TMEM25: variants seen among roughly 807,000 people sequenced by gnomAD.
TMEM25 encodes 0610039J01Rik.
In TMEM25, 36 loss-of-function variants were observed where a neutral mutation model predicts 37.0. The observed-to-expected ratio is 0.97, with a 90% CI of 0.75 to 1.28. The LOEUF (loss-of-function observed/expected upper bound fraction) is 1.28. Among genes scored for constraint, TMEM25 ranks in the 50% most tolerant of loss-of-function variants. The pLI is 0.00. For synonymous variants in TMEM25, 197 were observed against 203.7 expected (o/e 0.97, Z 0.28); for missense variants, 444 against 477.9 (o/e 0.93, Z 0.66).
rs782697443 is a variant in TMEM25, at chr11:118,532,250, G to A, written c.171G>A (p.Gly57=). 4 of 1,613,788 alleles carry A rather than the reference G, an allele frequency of 2.5e-6. No homozygotes were observed. The highest frequency in any genetic ancestry group is 1.7e-6 in the Non-Finnish European group (2 of 1,179,796). Reference sequence around the variant, plus strand: ...CCTTCACCTGCCGGGTGGCAGGGGGGCCTGGCACCCCCAGATTGGCCTGGT... The same window carrying A: ...CCTTCACCTGCCGGGTGGCAGGGGGACCTGGCACCCCCAGATTGGCCTGGT... ...RHAFTCRVAG[G]PGTPRLAWYL... The change falls in exon 3 of 9, where the codon GGG becomes GGA. Residue 57 remains glycine, a synonymous_variant. Transcript: ENST00000313236.
chr11:118,532,007 A>C, intron 2 of TMEM25, 136 bp downstream of exon 2: 1 of 1,352,106 alleles, frequency 7.4e-7, no homozygotes. Context: ...CACCTACCCT[A>C]GGTCCAACCA....
chr11:118,542,482 T>C (rs1951590877), intron 8 of TMEM25, among the ~76,000 whole-genome samples: 1 of 152,104 alleles, frequency 6.6e-6, no homozygotes, highest in Non-Finnish European at 1.5e-5. Context: ...TAAATAAATA[T>C]TGAGGGCCAG....
chr11:118,533,032 C>T lies in TMEM25; in HGVS notation c.498C>T (p.Ile166=), dbSNP rs144678581. Residue 166 remains isoleucine (I), a synonymous_variant, in exon 4 of 9, where the codon ATC becomes ATT. Transcript: ENST00000313236. The part of the protein sequence containing the change: ...RANPPANVTW[I]DQDGPVTVNT... ...ACCCGCCGGCCAATGTCACCTGGATCGACCAGGATGGGCCAGTGACTGTCA... is the reference window on the plus strand; with the variant it reads ...ACCCGCCGGCCAATGTCACCTGGATTGACCAGGATGGGCCAGTGACTGTCA... 1.3e-5 allele frequency: 21 copies of T among 1,614,106 alleles called. No homozygotes were observed. In the African/African-American group the frequency reaches 1.9e-4, roughly 14 times the overall value.
rs1416197219 is a variant in TMEM25, at chr11:118,532,978, G to T, written c.444G>T (p.Leu148=). ...AGGAAGCTCAGGGCCCAGGCCTCCT[G>T]GTTGTCCTGTTTGCCCTGGTGCGTG... The part of the protein sequence containing the change: ...KYQEAQGPGL[L]VVLFALVRAN... Residue 148 remains leucine, a synonymous_variant, in exon 4 of 9, where the codon CTG becomes CTT. Coordinates refer to ENST00000313236, the MANE Select transcript of TMEM25 (RefSeq NM_032780.4). 2 of 1,614,254 alleles carry T rather than the reference G, an allele frequency of 1.2e-6. No homozygotes were observed. Among genetic ancestry groups the T allele is most frequent in the Non-Finnish European group, 1.7e-6 (2 of 1,180,050 alleles).
downstream of TMEM25, among the ~76,000 whole-genome samples, chr11:118,538,659 G>A (rs7131631): frequency 0.16 from 24,560 of 151,876 alleles, 2,456 homozygotes; most frequent in East Asian, 0.49. Context: ...TTGGGAGGCC[G>A]AGGCAGGTGG....
chr11:118,540,902 C>G (rs1951569674), intron 8 of TMEM25, among the ~76,000 whole-genome samples: 1 of 152,084 alleles, frequency 6.6e-6, no homozygotes, highest in Non-Finnish European at 1.5e-5. Flanking sequence ...CCAGAGTAGG[C>G]AAATCTGCAG....
intron 8 of TMEM25, among the ~76,000 whole-genome samples, chr11:118,543,698 G>T (rs1555066295): frequency 1.3e-5 from 2 of 152,016 alleles, no homozygotes; most frequent in African/African-American, 4.8e-5. Flanking sequence ...TGTTGGCCAG[G>T]CCAGTCTTGA....
chr11:118,537,298 G>A (rs566465509), downstream of TMEM25, among the ~76,000 whole-genome samples: 16 of 151,882 alleles, frequency 1.1e-4, no homozygotes, highest in South Asian at 4.2e-4. Flanking sequence ...CCGAGATCGC[G>A]CCAATGCACT....
At chr11:118,542,320 A>G (rs1555065744) in intron 8 of TMEM25, among the ~76,000 whole-genome samples, 1 of 152,132 alleles carries the variant, frequency 6.6e-6, no homozygotes, top group Non-Finnish European at 1.5e-5. Flanking sequence ...TTTAATACCC[A>G]TTAATCTATA....
Position 118,533,159 on chromosome 11 carries a change from G to C in TMEM25, c.625G>C (p.Val209Leu), listed in dbSNP as rs782163063. ...CAGCCTGGCACACAACCTCTCGGTGGTGGCCACCAATGACGTGGGTGTCAC... is the reference window on the plus strand; with the variant it reads ...CAGCCTGGCACACAACCTCTCGGTGCTGGCCACCAATGACGTGGGTGTCAC... ...LRSLAHNLSV[V>L]ATNDVGVTSA... is the part of the protein sequence containing the mutation. Residue 209 changes from valine to leucine, a missense_variant, in exon 4 of 9, where the codon GTG becomes CTG. Coordinates refer to ENST00000313236, the MANE Select transcript of TMEM25 (RefSeq NM_032780.4). 2 of 1,607,864 alleles carry C rather than the reference G, an allele frequency of 1.2e-6. No homozygotes were observed. Among genetic ancestry groups the C allele is most frequent in the Non-Finnish European group, 1.7e-6 (2 of 1,179,876 alleles).
downstream of TMEM25, among the ~76,000 whole-genome samples, chr11:118,538,851 C>T (rs986161759): frequency 5.4e-5 from 8 of 149,146 alleles, no homozygotes; most frequent in African/African-American, 2.0e-4. Context: ...GAGATCATGC[C>T]ACTGCACTCC....
At chr11:118,545,866 T>C (rs964704203) in intron 8 of TMEM25, 4 of 1,613,746 alleles carry the variant, frequency 2.5e-6, no homozygotes, top group Non-Finnish European at 2.5e-6. Context: ...GGAAGGGGCA[T>C]GGAAGGACCA....
downstream of TMEM25, among the ~76,000 whole-genome samples, chr11:118,539,403 T>C (rs1273314752): frequency 1.3e-5 from 2 of 152,092 alleles, no homozygotes; most frequent in East Asian, 3.9e-4. Flanking sequence ...CTTGACCTCG[T>C]GATCCACCTG....
intron 8 of TMEM25, chr11:118,545,591 G>T: frequency 8.6e-7 from 1 of 1,160,604 alleles, no homozygotes; most frequent in Non-Finnish European, 1.3e-6. Flanking sequence ...CAGATGGGGT[G>T]TCGCTATGAC....
At chr11:118,545,467 C>A in intron 8 of TMEM25, 1 of 1,613,714 alleles carries the variant, frequency 6.2e-7, no homozygotes, top group Non-Finnish European at 8.5e-7. Context: ...CTGGATCCGA[C>A]TCTTGTAGAC....
At position 118,535,476 on chromosome 11, in the gene TMEM25, T is replaced by G; in HGVS notation, c.*896T>G. 1 of 1,520,976 alleles carries G rather than the reference T, an allele frequency of 6.6e-7. No homozygotes were observed. The highest frequency in any genetic ancestry group is 8.8e-7 in the Non-Finnish European group (1 of 1,136,404). The allele number at this position is 1,520,976 out of a possible 1,614,324, so 94.2% of individuals were successfully genotyped here. A position where few individuals can be genotyped will look rare whatever the true frequency, so the allele number is the denominator to read the frequency against. ...CTTCTGGGATTCACTGTGAGTGTCC[T>G]GAGCTCTCGGGGTTGATGGTTTTTC... is the stretch of plus-strand genomic sequence containing the variant. On this transcript the variant is annotated 3_prime_UTR_variant, in exon 9 of 9. Transcript: ENST00000313236.
chr11:118,541,318 C>T (rs1002673144), intron 8 of TMEM25, among the ~76,000 whole-genome samples: 9 of 151,688 alleles, frequency 5.9e-5, no homozygotes, highest in Admixed American at 2.6e-4. Flanking sequence ...AAAAATTAGC[C>T]GAGTGTGGTG....
At position 118,534,303 on chromosome 11, in the gene TMEM25, C is replaced by CAG; in HGVS notation, c.976_977dup (p.Ser326ArgfsTer35). 6.2e-7 allele frequency: 1 copy of CAG among 1,614,188 alleles called. No individual in the cohort carries two copies. The highest frequency in any genetic ancestry group is 1.1e-5 in the South Asian group (1 of 91,080). On this transcript the variant is annotated frameshift_variant, in exon 8 of 9. Transcript: ENST00000313236. LOFTEE classifies it high-confidence loss of function. This position sits in a 1 kb window ranked among gnomAD's most constrained non-coding sequence, Gnocchi z 4.6. ...CAGACCGGCAGATGGCTCAGAACAA[C>CAG]AGCCGGCCAGAGCTTCTGGACCCGG...
downstream of TMEM25, chr11:118,546,932 T>A (rs1951700748): frequency 3.3e-5 from 5 of 152,148 alleles, no homozygotes; most frequent in Admixed American, 3.3e-4. Flanking sequence ...TTCTTAAAAC[T>A]TTTCTCTTTT....
Sources: allele counts gnomAD v4.1 joint callset (sites outside exome capture counted in the v4.1 genomes callset), GRCh38; gene constraint gnomAD v4.1.1; non-coding constraint Gnocchi (gnomAD v3.1); transcripts MANE v1.5; gene names NCBI Gene and HGNC (gene_info 2026-07-23, HGNC 2026-07-21).